Variants in FAT3 observed in about 807,000 individuals in gnomAD.
FAT3 encodes the protein protocadherin Fat 3.
FAT3 carries 95 observed loss-of-function variants against 310.2 expected under a neutral mutation model. The observed-to-expected ratio is 0.31, with a 90% confidence interval of 0.26 to 0.36. The LOEUF is 0.36. Among genes scored for constraint, FAT3 ranks in the 10% least tolerant of loss-of-function variants. The pLI is 1.00. For missense variants in FAT3, 5,408 were observed against 5,715.6 expected (o/e 0.95, Z 1.74); for synonymous variants, 2,314 against 2,192.9 (o/e 1.06, Z -1.54).
intron 2 of FAT3, among the ~76,000 whole-genome samples, chr11:92,459,763 A>C (rs946651373): frequency 2.0e-5 from 3 of 152,126 alleles, no homozygotes; most frequent in African/African-American, 7.2e-5. Flanking sequence ...GTTTGATGTC[A>C]TGATACATTC....
At chr11:92,604,260 T>C (rs1940169382) in intron 3 of FAT3, among the ~76,000 whole-genome samples, 1 of 152,202 alleles carries the variant, frequency 6.6e-6, no homozygotes, top group Admixed American at 6.5e-5. Flanking sequence ...CTAATATATA[T>C]GGACCAGTTT....
chr11:92,483,311 C>A (rs1339878439), intron 2 of FAT3, among the ~76,000 whole-genome samples: 1 of 151,732 alleles, frequency 6.6e-6, no homozygotes, highest in Non-Finnish European at 1.5e-5. Flanking sequence ...CTTTTTTTAT[C>A]TGTTATTTCT....
At position 92,696,405 on chromosome 11, in the gene FAT3, A is replaced by G. The variant is rs78121864; in HGVS notation, c.3608-979A>G. Among the ~76,000 whole-genome samples the G allele has an allele frequency of 8.6e-3, 1,307 of 152,230 alleles. 17 individuals carry two copies. The highest frequency in any genetic ancestry group is 0.03 in the African/African-American group (1,266 of 41,544). ...CTCTAAAATCTGTGTGCTCCCACCCACCACTTCTGTATAAGACAGAAGCTT... is the reference window on the plus strand; with the variant it reads ...CTCTAAAATCTGTGTGCTCCCACCCGCCACTTCTGTATAAGACAGAAGCTT... On this transcript the variant is annotated intron_variant, in intron 3 of 27. Transcript: ENST00000525166.
Position 92,445,628 on chromosome 11 carries a change from G to A in FAT3, c.3293-79006G>A, listed in dbSNP as rs79085795. Among the ~76,000 whole-genome samples the A allele has an allele frequency of 1.8e-3, 269 of 152,128 alleles. 2 individuals carry two copies. In the East Asian group the frequency reaches 0.039, roughly 22 times the overall value. On this transcript the variant is annotated intron_variant, in intron 2 of 27. Transcript: ENST00000525166. ...TATGAGTGATTCTAATGGTAATTTA[G>A]GTTAAGAAAGGCCTAATATTTGTTT...
At position 92,844,661 on chromosome 11, in the gene FAT3, T is replaced by C. The variant is rs758749657; in HGVS notation, c.11294T>C (p.Met3765Thr). Residue 3765 changes from methionine to threonine, a missense_variant, in exon 19 of 28, where the codon ATG becomes ACG. Physicochemically the swap from Met to Thr is moderately conservative, Grantham distance 81. Around this residue, in one of 5 missense-constraint regions of FAT3, gnomAD observed 4,588 missense variants for 4,809.8 expected, o/e 0.95. Coordinates refer to ENST00000525166, the MANE Select transcript of FAT3 (RefSeq NM_001367949.2). ...TTGTCACTCGATTCCCACGCGCTCATGACCTACAGCACGGCTCGCATCAGC... is the reference window on the plus strand; with the variant it reads ...TTGTCACTCGATTCCCACGCGCTCACGACCTACAGCACGGCTCGCATCAGC... ...QGLSLDSHAL[M>T]TYSTARISFV... is the part of the protein sequence containing the mutation. 1.1e-5 allele frequency: 17 copies of C among 1,607,160 alleles called. No homozygotes were observed. In the South Asian group the frequency reaches 1.9e-4, roughly 18 times the overall value.
At chr11:92,526,527 G>T (rs1461148441) in intron 3 of FAT3, among the ~76,000 whole-genome samples, 2 of 152,104 alleles carry the variant, frequency 1.3e-5, no homozygotes, top group East Asian at 3.9e-4. Flanking sequence ...ATAAAAAGCT[G>T]CAAAAGGGAA....
chr11:92,697,680 G>A (rs4122086), intron 4 of FAT3, among the ~76,000 whole-genome samples: 5,563 of 152,276 alleles, frequency 0.037, 239 homozygotes, highest in East Asian at 0.21. Flanking sequence ...AGGCAATGGT[G>A]TATCACCGTC....
intron 3 of FAT3, among the ~76,000 whole-genome samples, chr11:92,557,783 T>C (rs1955073804): frequency 6.6e-6 from 1 of 152,182 alleles, no homozygotes; most frequent in South Asian, 2.1e-4. Flanking sequence ...TGTGATGTCT[T>C]AAAATGTCCT....
intron 3 of FAT3, among the ~76,000 whole-genome samples, chr11:92,628,762 C>T (rs1419075171): frequency 6.6e-6 from 1 of 152,184 alleles, no homozygotes; most frequent in African/African-American, 2.4e-5. Flanking sequence ...TTTGTAATAT[C>T]ATTCACAGTT....
chr11:92,771,208 G>A (rs1478465785), intron 6 of FAT3, among the ~76,000 whole-genome samples: 2 of 152,142 alleles, frequency 1.3e-5, no homozygotes, highest in African/African-American at 4.8e-5. Context: ...CTCTGGCTTT[G>A]CATGTTCTGT....
chr11:92,890,373 C>A lies in FAT3; in HGVS notation c.13148-118C>A, dbSNP rs1002423197. ...TGGCCCCATAGACCCTTGTAATAAGCTTCTTAGGGTTTCTTGGATGCTAAA... is the reference window on the plus strand; with the variant it reads ...TGGCCCCATAGACCCTTGTAATAAGATTCTTAGGGTTTCTTGGATGCTAAA... On this transcript the variant is annotated intron_variant, in intron 27 of 27. Transcript: ENST00000525166. The A allele has an allele frequency of 5.6e-6, 7 of 1,244,752 alleles. No homozygotes were observed. In the African/African-American group the frequency reaches 6.1e-5, roughly 11 times the overall value. The allele number at this position is 1,244,752 out of a possible 1,614,324, so 77.1% of individuals were successfully genotyped here.
chr11:92,633,498 A>G (rs369900815), intron 3 of FAT3, among the ~76,000 whole-genome samples: 2 of 152,240 alleles, frequency 1.3e-5, no homozygotes, highest in African/African-American at 4.8e-5. Flanking sequence ...ATAATCTAGT[A>G]GACTGTTGAC....
chr11:92,615,502 C>T (rs1940759348), intron 3 of FAT3, among the ~76,000 whole-genome samples: 1 of 152,208 alleles, frequency 6.6e-6, no homozygotes, highest in Non-Finnish European at 1.5e-5. Context: ...CCACCTCAGC[C>T]TCCCGAAGTG....
At chr11:92,865,019 C>G (rs1185475694) in intron 21 of FAT3, among the ~76,000 whole-genome samples, 1 of 152,194 alleles carries the variant, frequency 6.6e-6, no homozygotes, top group African/African-American at 2.4e-5. Context: ...TCTCCAGACC[C>G]AAACCCAGAG....
intron 3 of FAT3, among the ~76,000 whole-genome samples, chr11:92,654,261 C>T (rs1942492800): frequency 6.6e-6 from 1 of 152,120 alleles, no homozygotes; most frequent in Middle Eastern, 3.2e-3. Context: ...AGAATGGGTA[C>T]AGTTTGGAAA....
At chr11:92,514,622 T>G (rs1953414368) in intron 2 of FAT3, among the ~76,000 whole-genome samples, 1 of 152,098 alleles carries the variant, frequency 6.6e-6, no homozygotes. Flanking sequence ...TCATTTCTAC[T>G]CCCACTCAGC....
chr11:92,598,127 G>C (rs1172204142), intron 3 of FAT3, among the ~76,000 whole-genome samples: 1 of 151,026 alleles, frequency 6.6e-6, no homozygotes, highest in East Asian at 1.9e-4. Context: ...CAGACACATA[G>C]TACTTAACTT....
At chr11:92,583,564 T>C in intron 3 of FAT3, among the ~76,000 whole-genome samples, 1 of 151,624 alleles carries the variant, frequency 6.6e-6, no homozygotes. Context: ...TCCCCCATTC[T>C]GAGCCTTGCC....
chr11:92,370,096 A>C (rs978111974), intron 2 of FAT3, among the ~76,000 whole-genome samples: 8 of 152,174 alleles, frequency 5.3e-5, no homozygotes, highest in Non-Finnish European at 1.0e-4. Context: ...CCATATTCTA[A>C]AAGTGTAACT....
Sources: allele counts gnomAD v4.1 joint callset (sites outside exome capture counted in the v4.1 genomes callset), GRCh38; gene constraint gnomAD v4.1.1; regional missense constraint gnomAD v4.1.1; transcripts MANE v1.5; gene names NCBI Gene and HGNC (gene_info 2026-07-23, HGNC 2026-07-21).